Variants in AGBL1 observed in about 807,000 individuals in gnomAD.
AGBL1 encodes the protein cytosolic carboxypeptidase 4.
AGBL1 carries 130 observed loss-of-function variants against 118.9 expected under a neutral mutation model. The observed-to-expected ratio is 1.09, with a 90% confidence interval of 0.95 to 1.26. AGBL1 has a LOEUF of 1.26. Ranked by LOEUF, AGBL1 falls within the 50% of genes most tolerant of loss-of-function variation. AGBL1 has a pLI of 0.00. For synonymous variants in AGBL1, 555 were observed against 478.9 expected (o/e 1.16, Z -2.08); for missense variants, 1,584 against 1,298.1 (o/e 1.22, Z -3.38).
intron 1 of AGBL1, chr15:86,086,245 A>G (rs1895644112): frequency 6.6e-6 from 1 of 152,190 alleles, no homozygotes; most frequent in Admixed American, 6.5e-5. Flanking sequence ...TCGGTTATCA[A>G]TTACTGTATC....
intron 24 of AGBL1, among the ~76,000 whole-genome samples, chr15:87,006,374 C>T (rs948889687): frequency 1.8e-4 from 27 of 152,188 alleles, no homozygotes; most frequent in Non-Finnish European, 3.8e-4. Context: ...TGTTTACCTA[C>T]TCAAGCCTCA....
At chr15:86,693,450 G>A (rs184229166) in intron 22 of AGBL1, among the ~76,000 whole-genome samples, 86 of 151,912 alleles carry the variant, frequency 5.7e-4, no homozygotes, top group African/African-American at 2.0e-3. Flanking sequence ...TGATGGGATT[G>A]TTAATTTTTT....
At chr15:86,513,655 TAA>T (rs1281118720) in intron 18 of AGBL1, among the ~76,000 whole-genome samples, 2 of 152,080 alleles carry the variant, frequency 1.3e-5, no homozygotes, top group Non-Finnish European at 2.9e-5. Flanking sequence ...TGTCAAATGA[TAA>T]GTTTTTTAAG....
intron 22 of AGBL1, among the ~76,000 whole-genome samples, chr15:86,903,224 ATT>A (rs2080236305): frequency 6.7e-6 from 1 of 150,354 alleles, no homozygotes; most frequent in Non-Finnish European, 1.5e-5. Flanking sequence ...AGCTTTTGAT[ATT>A]TTTTCATTCT....
intron 18 of AGBL1, among the ~76,000 whole-genome samples, chr15:86,481,322 T>C (rs1391072957): frequency 1.3e-5 from 2 of 152,178 alleles, no homozygotes; most frequent in Middle Eastern, 6.8e-3. Context: ...GTCTATTAAG[T>C]TCATGTCCCT....
chr15:86,471,572 T>G (rs2082480136), intron 18 of AGBL1, among the ~76,000 whole-genome samples: 2 of 151,966 alleles, frequency 1.3e-5, no homozygotes. Flanking sequence ...AAAATGAATT[T>G]GGAAGCATTC....
rs112942129 is a variant in AGBL1 at position 86,986,809 on chromosome 15, G to A, written c.3222-1178G>A. Among the ~76,000 whole-genome samples, 185 of 152,062 alleles carry A rather than the reference G, an allele frequency of 1.2e-3. 1 individual carries two copies. Among genetic ancestry groups the A allele is most frequent in the African/African-American group, 4.0e-3 (164 of 41,456 alleles). ...GTTTTCTGTTTCATTGATTTCACTCGCGTCCATGTGAAGAGACCACCAAAC... is the reference window on the plus strand; with the variant it reads ...GTTTTCTGTTTCATTGATTTCACTCACGTCCATGTGAAGAGACCACCAAAC... On this transcript the variant is annotated intron_variant, in intron 23 of 24. Transcript: ENST00000441037.
At chr15:86,203,139 A>G (rs1377823949) in intron 5 of AGBL1, among the ~76,000 whole-genome samples, 1 of 152,258 alleles carries the variant, frequency 6.6e-6, no homozygotes, top group Non-Finnish European at 1.5e-5. Flanking sequence ...GATGATGCTA[A>G]TCACCATAAA....
intron 1 of AGBL1, among the ~76,000 whole-genome samples, chr15:86,122,165 A>C (rs1459134825): frequency 6.6e-6 from 1 of 152,252 alleles, no homozygotes; most frequent in African/African-American, 2.4e-5. Context: ...TCATTGGAGC[A>C]ACAGGATATT....
intron 21 of AGBL1, among the ~76,000 whole-genome samples, chr15:86,578,858 CT>C (rs1175029635): frequency 2.0e-5 from 3 of 152,196 alleles, no homozygotes; most frequent in African/African-American, 7.2e-5. Flanking sequence ...AAACCTCTTT[CT>C]TTTGAAATTG....
At chr15:86,819,788 CT>C (rs1197551609) in intron 22 of AGBL1, among the ~76,000 whole-genome samples, 13 of 152,224 alleles carry the variant, frequency 8.5e-5, no homozygotes, top group African/African-American at 3.1e-4. Flanking sequence ...TTAGAAACAA[CT>C]ACTTTAAATT....
intron 22 of AGBL1, among the ~76,000 whole-genome samples, chr15:86,880,570 G>A (rs540221719): frequency 6.6e-6 from 1 of 152,260 alleles, no homozygotes; most frequent in Non-Finnish European, 1.5e-5. Flanking sequence ...TATGCACGGG[G>A]GTGGTATGTG....
Position 86,442,195 on chromosome 15 carries a change from G to A in AGBL1, c.2555+44649G>A, listed in dbSNP as rs145232281. Among the ~76,000 whole-genome samples the A allele has an allele frequency of 2.2e-3, 331 of 152,314 alleles. 4 individuals are homozygous for A. The highest frequency in any genetic ancestry group is 7.6e-3 in the African/African-American group (314 of 41,578). The stretch of plus-strand genomic sequence containing the variant: ...GCTAGGTTTAAAGGCATATGGTCAG[G>A]TCAGAAAAAGAAAACAAAAATCCCT... On this transcript the variant is annotated intron_variant, in intron 18 of 22. Coordinates refer to ENST00000614907, the MANE Select transcript of AGBL1 (RefSeq NM_001386094.1).
At chr15:86,576,434 A>G (rs2084092984) in intron 21 of AGBL1, among the ~76,000 whole-genome samples, 1 of 152,234 alleles carries the variant, frequency 6.6e-6, no homozygotes, top group African/African-American at 2.4e-5. Flanking sequence ...TGAGGTACAG[A>G]AACAGCTGGA....
intron 16 of AGBL1, among the ~76,000 whole-genome samples, chr15:86,289,969 G>A (rs1381772755): frequency 1.3e-5 from 2 of 152,172 alleles, no homozygotes; most frequent in African/African-American, 4.8e-5. Context: ...GAGACCCATT[G>A]TTCTAGTGAT....
At position 86,141,434 on chromosome 15, in the gene AGBL1, G is replaced by A. The variant is rs147379109; in HGVS notation, c.52-570G>A. On this transcript the variant is annotated intron_variant, in intron 1 of 22. Transcript: ENST00000614907. ...TGGGAGGCCGAGGCAGGCAGATAAC[G>A]TGGTCAGGAGATTGAGACCATCCTA... Among the ~76,000 whole-genome samples, 732 of 152,276 alleles carry A rather than the reference G, an allele frequency of 4.8e-3. 7 individuals are homozygous for A. Among genetic ancestry groups the A allele is most frequent in the African/African-American group, 0.017 (704 of 41,554 alleles).
intron 23 of AGBL1, among the ~76,000 whole-genome samples, chr15:86,970,472 G>C (rs977960732): frequency 2.0e-5 from 3 of 151,836 alleles, no homozygotes; most frequent in African/African-American, 4.8e-5. Flanking sequence ...TAATAAGTCA[G>C]TTTTACTAAG....
At chr15:86,135,717 G>A (rs2076880442) in intron 1 of AGBL1, among the ~76,000 whole-genome samples, 1 of 152,194 alleles carries the variant, frequency 6.6e-6, no homozygotes, top group African/African-American at 2.4e-5. Flanking sequence ...ACAGTCTAAA[G>A]TGAGTGTGGG....
At chr15:86,320,527 A>G (rs2080088719) in intron 17 of AGBL1, among the ~76,000 whole-genome samples, 2 of 152,052 alleles carry the variant, frequency 1.3e-5, no homozygotes, top group Non-Finnish European at 2.9e-5. Context: ...TTTTATGCCG[A>G]TATATCATTT....
Sources: gnomAD v4.1 joint callset for allele counts (sites outside exome capture counted in the v4.1 genomes callset) on GRCh38, gnomAD v4.1.1 for gene constraint, MANE v1.5 for transcripts, NCBI Gene and HGNC (gene_info 2026-07-23, HGNC 2026-07-21) for gene names.